Variants in CSTA observed in about 807,000 individuals in gnomAD.
CSTA encodes the protein cystatin-A.
Under a neutral mutation model 9.2 loss-of-function variants are expected in CSTA, and 9 were observed. The ratio of observed to expected loss-of-function variants is 0.97; its 90% confidence interval spans 0.59 to 1.70. The LOEUF (loss-of-function observed/expected upper bound fraction) is 1.70. Ranked by LOEUF, CSTA falls within the 40% of genes most tolerant of loss-of-function variation. The pLI, the probability that CSTA is intolerant of heterozygous loss-of-function variation, is 0.00. For missense variants in CSTA, 118 were observed against 113.1 expected, an observed-to-expected ratio of 1.04 and a Z score of -0.20; for synonymous variants, 36 against 40.6, an observed-to-expected ratio of 0.89 and a Z score of 0.43.
rs2075266907 is a variant in CSTA at position 122,341,705 on chromosome 3, A to G, written c.*138A>G. On this transcript the variant is annotated 3_prime_UTR_variant, in exon 3 of 3. Transcript: ENST00000264474. The stretch of plus-strand genomic sequence containing the variant: ...CAATTATTTCTCATTTATTGTATTA[A>G]GCAGAAATTACCTTTTCTTTCTCAA... The G allele has an allele frequency of 9.1e-7, 1 of 1,098,028 alleles. No homozygotes were observed. Among genetic ancestry groups the G allele is most frequent in the African/African-American group, 1.6e-5 (1 of 63,024 alleles). The allele number at this position is 1,098,028 out of a possible 1,614,324, so 68.0% of individuals were successfully genotyped here.
intron 1 of CSTA, among the ~76,000 whole-genome samples, chr3:122,326,088 G>A (rs1298077469): frequency 2.0e-5 from 3 of 152,014 alleles, no homozygotes; most frequent in Non-Finnish European, 2.9e-5. Context: ...GTCTGATCAC[G>A]GCTCACTGTA....
chr3:122,337,150 C>G (rs190567948), intron 1 of CSTA, among the ~76,000 whole-genome samples: 15 of 152,312 alleles, frequency 9.8e-5, no homozygotes, highest in Non-Finnish European at 1.6e-4. Context: ...ATTAAGGGAA[C>G]TGTAAATGAT....
At chr3:122,326,785 T>TA (rs2107664581) in intron 1 of CSTA, among the ~76,000 whole-genome samples, 1 of 152,368 alleles carries the variant, frequency 6.6e-6, no homozygotes, top group South Asian at 2.1e-4. Flanking sequence ...CACGTCTTGA[T>TA]AAACCTTAGA....
chr3:122,328,704 G>C (rs942796124), intron 1 of CSTA, among the ~76,000 whole-genome samples: 2 of 151,516 alleles, frequency 1.3e-5, no homozygotes, highest in African/African-American at 4.8e-5. Context: ...AGGAGGCCAA[G>C]GCAGGCGGAT....
intron 1 of CSTA, among the ~76,000 whole-genome samples, chr3:122,330,276 T>C (rs1262017624): frequency 6.6e-6 from 1 of 152,238 alleles, no homozygotes; most frequent in Non-Finnish European, 1.5e-5. Context: ...AAAGTGGAAG[T>C]ATTCTCAGAG....
chr3:122,337,498 G>A (rs767465407), intron 1 of CSTA, 49 bp from the exon 2 acceptor site: 3 of 1,268,058 alleles, frequency 2.4e-6, no homozygotes, highest in Admixed American at 1.7e-5. Flanking sequence ...TTGCATACAT[G>A]GAGTCTAATA....
intron 1 of CSTA, among the ~76,000 whole-genome samples, chr3:122,327,148 G>C (rs2075175419): frequency 6.6e-6 from 1 of 151,930 alleles, no homozygotes; most frequent in Non-Finnish European, 1.5e-5. Context: ...TGAGGCAGGA[G>C]AATTACTTGA....
intron 2 of CSTA, among the ~76,000 whole-genome samples, chr3:122,340,219 T>A (rs972718449): frequency 4.6e-5 from 7 of 152,180 alleles, no homozygotes; most frequent in Non-Finnish European, 1.5e-5. Flanking sequence ...TTACCATAAT[T>A]TTCCAGGTCT....
intron 1 of CSTA, among the ~76,000 whole-genome samples, chr3:122,335,879 G>T (rs1048998277): frequency 6.6e-6 from 1 of 151,350 alleles, no homozygotes; most frequent in Non-Finnish European, 1.5e-5. Flanking sequence ...TGATCCACCC[G>T]CCTCTGCCTC....
At chr3:122,327,128 C>T (rs1217697259) in intron 1 of CSTA, among the ~76,000 whole-genome samples, 1 of 151,940 alleles carries the variant, frequency 6.6e-6, no homozygotes, top group East Asian at 1.9e-4. Context: ...ATCCCAACTA[C>T]TCAGGAGGCT....
chr3:122,332,557 T>C (rs2075210761), intron 1 of CSTA, among the ~76,000 whole-genome samples: 1 of 152,170 alleles, frequency 6.6e-6, no homozygotes, highest in Admixed American at 6.5e-5. Flanking sequence ...AGCCTGAGTG[T>C]TGGGTGCCTC....
chr3:122,337,796 C>T lies in CSTA; in HGVS notation c.168+148C>T. 3 of 705,698 alleles carry T rather than the reference C, an allele frequency of 4.3e-6. No individual in the cohort carries two copies. In the South Asian group the frequency reaches 4.9e-5, roughly 12 times the overall value. 43.7% of individuals were successfully genotyped at this position (705,698 alleles called of 1,614,324 possible). Reference sequence around the variant, plus strand: ...TGATTCCTTCCAAGTGGTGGACTCTCAAATTTGGTAGATGATGTGACACCA... The same window carrying T: ...TGATTCCTTCCAAGTGGTGGACTCTTAAATTTGGTAGATGATGTGACACCA... On this transcript the variant is annotated intron_variant, in intron 2 of 2. Transcript: ENST00000264474.
chr3:122,336,664 T>G (rs1342074881), intron 1 of CSTA, among the ~76,000 whole-genome samples: 1 of 152,104 alleles, frequency 6.6e-6, no homozygotes, highest in African/African-American at 2.4e-5. Flanking sequence ...GAAACAAGAC[T>G]CCTCACAAGA....
chr3:122,332,351 G>T (rs1484798928), intron 1 of CSTA, among the ~76,000 whole-genome samples: 1 of 151,982 alleles, frequency 6.6e-6, no homozygotes, highest in Non-Finnish European at 1.5e-5. Context: ...AACATACTTA[G>T]ACAATAAATG....
chr3:122,335,537 C>G (rs2075231625), intron 1 of CSTA, among the ~76,000 whole-genome samples: 1 of 152,088 alleles, frequency 6.6e-6, no homozygotes, highest in Admixed American at 6.6e-5. Flanking sequence ...CAGGATTCTT[C>G]CTCAGTGTTT....
chr3:122,328,933 T>C (rs557651961), intron 1 of CSTA, among the ~76,000 whole-genome samples: 12 of 150,922 alleles, frequency 8.0e-5, no homozygotes, highest in African/African-American at 2.7e-4. Flanking sequence ...AGAGCGAGAC[T>C]CCATTTCAAA....
Position 122,337,653 on chromosome 3 carries a change from G to A in CSTA, c.168+5G>A. On this transcript the variant is annotated splice_donor_5th_base_variant and intron_variant, in intron 2 of 2. Coordinates refer to ENST00000264474, the MANE Select transcript of CSTA (RefSeq NM_005213.4). ...GGAACAAATTACTACATTAAGGTTA[G>A]AGTTCAGCACCTACTTTAGCGCCAA... The A allele has an allele frequency of 6.5e-7, 1 of 1,550,014 alleles. No individual in the cohort carries two copies. Among genetic ancestry groups the A allele is most frequent in the Non-Finnish European group, 8.9e-7 (1 of 1,121,276 alleles).
At position 122,341,653 on chromosome 3, in the gene CSTA, C is replaced by G. The variant is rs1474522182; in HGVS notation, c.*86C>G. The G allele has an allele frequency of 1.4e-6, 2 of 1,451,570 alleles. No individual in the cohort carries two copies. The highest frequency in any genetic ancestry group is 1.4e-5 in the African/African-American group (1 of 70,928). 89.9% of individuals were successfully genotyped at this position (1,451,570 alleles called of 1,614,324 possible). On this transcript the variant is annotated 3_prime_UTR_variant, in exon 3 of 3. Transcript: ENST00000264474. Reference sequence around the variant, plus strand: ...ATAAATATAACCATCAATAAAGAAGCATTCTTTTCCAAAGAAATTATTTCT... The same window carrying G: ...ATAAATATAACCATCAATAAAGAAGGATTCTTTTCCAAAGAAATTATTTCT...
At chr3:122,332,762 G>A (rs2075211787) in intron 1 of CSTA, among the ~76,000 whole-genome samples, 1 of 152,132 alleles carries the variant, frequency 6.6e-6, no homozygotes, top group Non-Finnish European at 1.5e-5. Context: ...ATCACGCGTG[G>A]CAGACTGAGA....
Sources: gnomAD v4.1 joint callset for allele counts (sites outside exome capture counted in the v4.1 genomes callset) on GRCh38, gnomAD v4.1.1 for gene constraint, MANE v1.5 for transcripts, NCBI Gene and HGNC (gene_info 2026-07-23, HGNC 2026-07-21) for gene names.